The following FOXJ3 variants were observed in gnomAD, a reference collection of about 807,000 sequenced individuals.
FOXJ3 encodes the protein forkhead box protein J3.
Under a neutral mutation model 76.1 loss-of-function variants are expected in FOXJ3, and 22 were observed. The observed-to-expected ratio is 0.29, with a 90% CI of 0.21 to 0.41. The LOEUF (loss-of-function observed/expected upper bound fraction) is 0.41, where lower values mean the gene tolerates loss of function less well. FOXJ3 is among the 10% of genes least tolerant of loss of function. The pLI, the probability that FOXJ3 is intolerant of heterozygous loss-of-function variation, is 1.00. For synonymous variants in FOXJ3, 269 were observed against 261.2 expected (o/e 1.03, Z -0.29); for missense variants, 613 against 762.1 (o/e 0.80, Z 2.30).
intron 4 of FOXJ3, among the ~76,000 whole-genome samples, chr1:42,240,535 G>A (rs947813465): frequency 6.6e-5 from 10 of 152,144 alleles, no homozygotes; most frequent in Non-Finnish European, 1.0e-4. Context: ...GAACTGATCC[G>A]ACAGTCTAGA....
At chr1:42,213,719 T>C (rs936494845) in intron 5 of FOXJ3, among the ~76,000 whole-genome samples, 3 of 152,138 alleles carry the variant, frequency 2.0e-5, no homozygotes, top group African/African-American at 7.2e-5. Flanking sequence ...TAGAAAATAC[T>C]GTATAATTTC....
At chr1:42,326,315 T>C (rs1570265770) in intron 1 of FOXJ3, among the ~76,000 whole-genome samples, 1 of 152,164 alleles carries the variant, frequency 6.6e-6, no homozygotes, top group Non-Finnish European at 1.5e-5. Flanking sequence ...TCAAACTGTA[T>C]ACGTTTTCTT....
chr1:42,273,512 A>G (rs1174603299), intron 3 of FOXJ3, among the ~76,000 whole-genome samples: 1 of 151,816 alleles, frequency 6.6e-6, no homozygotes, highest in Admixed American at 6.6e-5. Flanking sequence ...CATCTCTACT[A>G]AAAATACAAA....
chr1:42,313,219 C>T (rs1213381526), intron 1 of FOXJ3, among the ~76,000 whole-genome samples: 1 of 152,040 alleles, frequency 6.6e-6, no homozygotes, highest in Non-Finnish European at 1.5e-5. Flanking sequence ...TGCCTGTAAT[C>T]CCAGCTACTT....
At chr1:42,193,865 G>A (rs1646598857) in intron 8 of FOXJ3, among the ~76,000 whole-genome samples, 4 of 152,160 alleles carry the variant, frequency 2.6e-5, no homozygotes, top group Admixed American at 1.3e-4. Context: ...CCTTTAGGAG[G>A]TAATTAGGGA....
chr1:42,251,844 C>CT (rs1233914177), intron 4 of FOXJ3, among the ~76,000 whole-genome samples: 4 of 150,888 alleles, frequency 2.7e-5, no homozygotes, highest in African/African-American at 9.7e-5. Context: ...TCAGCCTCCC[C>CT]TGTAGCTGGG....
intron 4 of FOXJ3, among the ~76,000 whole-genome samples, chr1:42,238,608 G>C (rs1346202941): frequency 6.6e-6 from 1 of 151,970 alleles, no homozygotes; most frequent in Non-Finnish European, 1.5e-5. Context: ...ACCCTGGCTG[G>C]AGTGCAATGG....
At chr1:42,282,685 G>A (rs938008638) in intron 2 of FOXJ3, among the ~76,000 whole-genome samples, 1 of 152,122 alleles carries the variant, frequency 6.6e-6, no homozygotes, top group African/African-American at 2.4e-5. Context: ...CTTCTGTTCT[G>A]GAATGTCCTT....
At chr1:42,228,582 AC>A (rs1647783518) in intron 4 of FOXJ3, among the ~76,000 whole-genome samples, 1 of 151,316 alleles carries the variant, frequency 6.6e-6, no homozygotes, top group African/African-American at 2.4e-5. Context: ...AAAAAAAAAA[AC>A]TTTGGAAAAG....
At chr1:42,182,075 CA>C in intron 11 of FOXJ3, 51 bp from the exon 12 acceptor site, 2 of 980,896 alleles carry the variant, frequency 2.0e-6, no homozygotes, top group Non-Finnish European at 3.1e-6. Flanking sequence ...ACAAATAAAA[CA>C]AATGGAGCAC....
intron 7 of FOXJ3, among the ~76,000 whole-genome samples, chr1:42,198,061 A>AT (rs993400930): frequency 2.2e-4 from 33 of 151,794 alleles, no homozygotes; most frequent in Non-Finnish European, 3.7e-4. Flanking sequence ...GACTGCATAG[A>AT]TTTTTTCCCC....
At chr1:42,217,085 C>G (rs904035299) in intron 5 of FOXJ3, among the ~76,000 whole-genome samples, 2 of 152,178 alleles carry the variant, frequency 1.3e-5, no homozygotes, top group Non-Finnish European at 2.9e-5. Flanking sequence ...AAAACTGTCT[C>G]TATTTGCAGA....
intron 2 of FOXJ3, among the ~76,000 whole-genome samples, chr1:42,304,668 G>A (rs1218033566): frequency 1.3e-5 from 2 of 152,156 alleles, no homozygotes; most frequent in Admixed American, 6.5e-5. Flanking sequence ...CTTCAACAAG[G>A]TGCTGGGAAA....
At chr1:42,232,076 G>A (rs1160968680) in intron 4 of FOXJ3, among the ~76,000 whole-genome samples, 5 of 152,038 alleles carry the variant, frequency 3.3e-5, no homozygotes, top group South Asian at 2.1e-4. Flanking sequence ...GCGATAGTTT[G>A]CTGAGAATGA....
At chr1:42,238,604 G>A (rs1648886537) in intron 4 of FOXJ3, among the ~76,000 whole-genome samples, 1 of 151,990 alleles carries the variant, frequency 6.6e-6, no homozygotes, top group Admixed American at 6.6e-5. Flanking sequence ...TGTCACCCTG[G>A]CTGGAGTGCA....
intron 3 of FOXJ3, among the ~76,000 whole-genome samples, chr1:42,271,741 T>C (rs943088066): frequency 7.9e-5 from 12 of 152,082 alleles, no homozygotes; most frequent in Non-Finnish European, 1.6e-4. Context: ...CTCAACCTCC[T>C]GGGCTCTAGT....
chr1:42,254,891 C>T (rs1650452232), intron 4 of FOXJ3, among the ~76,000 whole-genome samples: 1 of 150,390 alleles, frequency 6.6e-6, no homozygotes, highest in Non-Finnish European at 1.5e-5. Flanking sequence ...GTGCAGCACA[C>T]CAGCATGGCA....
chr1:42,178,810 T>G lies in FOXJ3; in HGVS notation c.*900A>C, dbSNP rs1393254741. ...AAAAAAAGAAAAAAATAATAATAGTTCTGTGCTTTCAGACACATTTCTCCT... is the reference window on the plus strand; with the variant it reads ...AAAAAAAGAAAAAAATAATAATAGTGCTGTGCTTTCAGACACATTTCTCCT... On this transcript the variant is annotated 3_prime_UTR_variant, in exon 13 of 13. Transcript: ENST00000361346. 6.6e-6 allele frequency: 1 copy of G among 152,622 alleles called. No individual in the cohort carries two copies. The highest frequency in any genetic ancestry group is 2.4e-5 in the African/African-American group (1 of 41,442). 9.5% of individuals were successfully genotyped at this position (152,622 alleles called of 1,614,324 possible).
chr1:42,297,523 T>C (rs1653864214), intron 2 of FOXJ3, among the ~76,000 whole-genome samples: 1 of 152,234 alleles, frequency 6.6e-6, no homozygotes, highest in Non-Finnish European at 1.5e-5. Flanking sequence ...GAGATAATCA[T>C]ACAGTTTTGG....
Sources: allele counts gnomAD v4.1 joint callset (sites outside exome capture counted in the v4.1 genomes callset), GRCh38; gene constraint gnomAD v4.1.1; transcripts MANE v1.5; gene names NCBI Gene and HGNC (gene_info 2026-07-23, HGNC 2026-07-21).